Variants in MAST1 observed in about 807,000 individuals in gnomAD.
MAST1 encodes the protein microtubule associated serine/threonine kinase 1.
A neutral mutation model predicts 124.6 loss-of-function variants in MAST1; 40 were observed. The ratio of observed to expected loss-of-function variants is 0.32; its 90% CI spans 0.25 to 0.42. The LOEUF is 0.42. Ranked by LOEUF, MAST1 falls within the 10% of genes least tolerant of loss-of-function variation. The pLI is 1.00. For synonymous variants in MAST1, 938 were observed against 939.4 expected (o/e 1.00, Z 0.03); for missense variants, 1,558 against 2,181.9 (o/e 0.71, Z 5.70).
At chr19:12,867,400 A>G in intron 18 of MAST1, 74 bp from the exon 19 acceptor site, 3 of 1,561,358 alleles carry the variant, frequency 1.9e-6, no homozygotes, top group Admixed American at 1.7e-5. Flanking sequence ...CGGGGGATCC[A>G]CTGCCAGGAA....
intron 21 of MAST1, 63 bp from the exon 22 acceptor site, chr19:12,869,003 G>A: frequency 6.4e-7 from 1 of 1,565,906 alleles, no homozygotes; most frequent in Non-Finnish European, 8.8e-7. Context: ...GGAGGGAGGA[G>A]CAGATACAGG....
At position 12,847,208 on chromosome 19, in the gene MAST1, G is replaced by A. The variant is rs1969903999; in HGVS notation, c.328-82G>A. The A allele has an allele frequency of 5.7e-6, 5 of 872,490 alleles. No homozygotes were observed. Among genetic ancestry groups the A allele is most frequent in the East Asian group, 2.4e-5 (1 of 41,098 alleles). 54.0% of individuals were successfully genotyped at this position (872,490 alleles called of 1,614,324 possible). ...CCTGGCCTTGCCCAGTGACCCCATC[G>A]GCTTTGGGAGTCCCAGCTCAGGGTC... On this transcript the variant is annotated intron_variant, in intron 4 of 25. Coordinates refer to ENST00000251472, the MANE Select transcript of MAST1 (RefSeq NM_014975.3). The surrounding 1 kb of genome is among the most constrained non-coding windows in gnomAD (Gnocchi z 5.5).
In MAST1 at chr19:12,874,349, G is replaced by C. The variant is rs545212383; in HGVS notation, c.4192G>C (p.Asp1398His). 1 of 1,598,416 alleles carries C rather than the reference G, an allele frequency of 6.3e-7. No homozygotes were observed. Among genetic ancestry groups the C allele is most frequent in the African/African-American group, 1.3e-5 (1 of 74,952 alleles). ...CTRHQSVQTE[D>H]GTGGMARAVA... Reference sequence around the variant, plus strand: ...GCGGCATCAGAGCGTGCAGACGGAGGATGGCACTGGCGGGATGGCCAGGGC... The same window carrying C: ...GCGGCATCAGAGCGTGCAGACGGAGCATGGCACTGGCGGGATGGCCAGGGC... Residue 1398 changes from aspartate to histidine, a missense_variant, in exon 26 of 26, where the codon GAT (aspartate) becomes CAT (histidine). Physicochemically the swap from Asp to His is moderately conservative, Grantham distance 81 (BLOSUM62 -1). Around this residue, in one of 10 missense-constraint regions of MAST1, gnomAD observed 263 missense variants for 310.9 expected, o/e 0.85. Coordinates refer to ENST00000251472, the MANE Select transcript of MAST1 (RefSeq NM_014975.3). This position sits in a 1 kb window ranked among gnomAD's most constrained non-coding sequence, Gnocchi z 6.6.
intron 20 of MAST1, among the ~76,000 whole-genome samples, chr19:12,868,366 A>G (rs1188176404): frequency 1.3e-5 from 2 of 151,824 alleles, no homozygotes; most frequent in Non-Finnish European, 2.9e-5. Context: ...TCCTTGGCCT[A>G]CCAAAGTGCT....
At chr19:12,852,431 T>C in intron 10 of MAST1, 36 bp downstream of exon 10, 1 of 1,497,314 alleles carries the variant, frequency 6.7e-7, no homozygotes, top group Non-Finnish European at 9.3e-7. Flanking sequence ...GTACCCTGGT[T>C]CCTGGGAGGG....
In MAST1 at chr19:12,874,105, A is replaced by C. The variant is rs1435624357; in HGVS notation, c.3948A>C (p.Pro1316=). ...CCGAGTCCGACGGTGAGACGCCCCC[A>C]GTCGAGGGCCTTGGCGCGCCCCGGC... ...SLAESDGETP[P]VEGLGAPRQV... is the part of the protein sequence containing the mutation. Residue 1316 remains proline, a synonymous_variant, in exon 26 of 26, where the codon CCA becomes CCC. Transcript: ENST00000251472. The surrounding 1 kb of genome is among the most constrained non-coding windows in gnomAD (Gnocchi z 6.6). 6.4e-7 allele frequency: 1 copy of C among 1,555,864 alleles called. No individual in the cohort carries two copies. The highest frequency in any genetic ancestry group is 8.7e-7 in the Non-Finnish European group (1 of 1,153,022).
At chr19:12,857,691 C>T (rs1294844890) in intron 10 of MAST1, among the ~76,000 whole-genome samples, 1 of 152,162 alleles carries the variant, frequency 6.6e-6, no homozygotes, top group African/African-American at 2.4e-5. Context: ...TGATTACAGG[C>T]GTGAGCCACC....
intron 1 of MAST1, among the ~76,000 whole-genome samples, chr19:12,840,049 G>C (rs7251196): frequency 6.6e-6 from 1 of 151,976 alleles, no homozygotes. Context: ...TGTGTCACAC[G>C]TATCACACTA....
intron 4 of MAST1, among the ~76,000 whole-genome samples, chr19:12,844,158 C>T (rs1353880523): frequency 6.6e-6 from 1 of 152,190 alleles, no homozygotes; most frequent in Non-Finnish European, 1.5e-5. Flanking sequence ...ATTTCTGACT[C>T]ACTCATTTAC....
In MAST1 at chr19:12,866,743, G is replaced by A; in HGVS notation, c.2120G>A (p.Cys707Tyr). 1 of 1,613,624 alleles carries A rather than the reference G, an allele frequency of 6.2e-7. No individual in the cohort carries two copies. The highest frequency in any genetic ancestry group is 8.5e-7 in the Non-Finnish European group (1 of 1,179,808). Reference sequence around the variant, plus strand: ...GTGGAAATCCGCCAGTTCTCTTCCTGCTCTCCGCGCTTCAGCAAGGTGGGC... The same window carrying A: ...GTGGAAATCCGCCAGTTCTCTTCCTACTCTCCGCGCTTCAGCAAGGTGGGC... ...EPVEIRQFSS[C>Y]SPRFSKVYSS... Residue 707 changes from cysteine (C) to tyrosine (Y), a missense_variant, in exon 18 of 26, where the codon TGC becomes TAC. Physicochemically the swap from Cys to Tyr is radical, Grantham distance 194 (BLOSUM62 -2). This residue lies in a region of MAST1 where 287 missense variants were observed against 308.0 expected (regional missense o/e 0.93). Coordinates refer to ENST00000251472, the MANE Select transcript of MAST1 (RefSeq NM_014975.3). This position sits in a 1 kb window ranked among gnomAD's most constrained non-coding sequence, Gnocchi z 5.2.
In MAST1 at chr19:12,873,370, C is replaced by A; in HGVS notation, c.3310C>A (p.Leu1104Met). 1 of 1,614,078 alleles carries A rather than the reference C, an allele frequency of 6.2e-7. No homozygotes were observed. The highest frequency in any genetic ancestry group is 8.5e-7 in the Non-Finnish European group (1 of 1,179,986). Reference sequence around the variant, plus strand: ...CCGGAAGATCACGAAGCAGTCGAACCTGCTGCATACTAGCCGCTCGCTGTC... The same window carrying A: ...CCGGAAGATCACGAAGCAGTCGAACATGCTGCATACTAGCCGCTCGCTGTC... The part of the protein sequence containing the change: ...LFRKITKQSN[L>M]LHTSRSLSSL... The change falls in exon 25 of 26, where the codon CTG (leucine) becomes ATG (methionine). Residue 1104 changes from leucine to methionine, a missense_variant. Coordinates refer to ENST00000251472, the MANE Select transcript of MAST1 (RefSeq NM_014975.3).
At chr19:12,857,634 G>T (rs1032748510) in intron 10 of MAST1, among the ~76,000 whole-genome samples, 1 of 151,288 alleles carries the variant, frequency 6.6e-6, no homozygotes, top group Non-Finnish European at 1.5e-5. Context: ...GGATGGTCTC[G>T]ATCTCCTGAC....
At chr19:12,846,823 A>C (rs2145889421) in intron 4 of MAST1, among the ~76,000 whole-genome samples, 1 of 139,714 alleles carries the variant, frequency 7.2e-6, no homozygotes, top group South Asian at 2.4e-4. Flanking sequence ...GGTTGCAGTG[A>C]GCTGAGATCA....
intron 12 of MAST1, among the ~76,000 whole-genome samples, chr19:12,860,727 G>A (rs1042582835): frequency 2.0e-5 from 3 of 151,812 alleles, no homozygotes; most frequent in East Asian, 1.9e-4. Context: ...GATTACAGGC[G>A]TGAGCCATAG....
chr19:12,874,483 G>A lies in MAST1; in HGVS notation c.4326G>A (p.Arg1442=), dbSNP rs2145917475. ...TACCCATTGTCGTAGAGCCTGCGCG[G>A]CCCGGGGCTAAGGCTGTGGTGCCTC... is the stretch of plus-strand genomic sequence containing the variant. ...PLVPIVVEPA[R]PGAKAVVPQP... is the part of the protein sequence containing the mutation. Residue 1442 remains arginine (R), a synonymous_variant, in exon 26 of 26, where the codon CGG becomes CGA. Transcript: ENST00000251472. This position sits in a 1 kb window ranked among gnomAD's most constrained non-coding sequence, Gnocchi z 6.6. 3 of 1,570,688 alleles carry A rather than the reference G, an allele frequency of 1.9e-6. No homozygotes were observed. The highest frequency in any genetic ancestry group is 4.5e-5 in the East Asian group (2 of 44,236).
rs190185155 is a variant in MAST1 at position 12,844,544 on chromosome 19, G to A, written c.327+937G>A. 1.5e-4 allele frequency among the ~76,000 whole-genome samples: 23 copies of A among 152,256 alleles called. No individual in the cohort carries two copies. In the East Asian group the frequency reaches 4.4e-3, roughly 29 times the overall value. ...GGGAGAGGCATGTGACTCAGATTGGGGGGTTGTCAAGGAAGGCTTCCTGGA... is the reference window on the plus strand; with the variant it reads ...GGGAGAGGCATGTGACTCAGATTGGAGGGTTGTCAAGGAAGGCTTCCTGGA... On this transcript the variant is annotated intron_variant, in intron 4 of 25. Transcript: ENST00000251472.
At position 12,858,465 on chromosome 19, in the gene MAST1, G is replaced by A. The variant is rs1019052586; in HGVS notation, c.1157+24G>A. 1.1e-5 allele frequency: 17 copies of A among 1,612,576 alleles called. No homozygotes were observed. The African/African-American group carries it at 2.3e-4, about 22-fold the overall frequency. ...GGGTGAGCCACCCGGGGCTCTGGCG[G>A]GGGGAGGGTGGCGGAGGCCGGGTGT... On this transcript the variant is annotated intron_variant, in intron 11 of 25. Transcript: ENST00000251472.
Position 12,865,663 on chromosome 19 carries a change from G to C in MAST1, c.1805-54G>C. Reference sequence around the variant, plus strand: ...GCTGGGTGACACAGTGAGATCCTGTGTCCAAACAACAACAACAACAAAAAC... The same window carrying C: ...GCTGGGTGACACAGTGAGATCCTGTCTCCAAACAACAACAACAACAAAAAC... On this transcript the variant is annotated intron_variant, in intron 15 of 25. Coordinates refer to ENST00000251472, the MANE Select transcript of MAST1 (RefSeq NM_014975.3). The surrounding 1 kb of genome is among the most constrained non-coding windows in gnomAD (Gnocchi z 7.1). 6.7e-7 allele frequency: 1 copy of C among 1,499,178 alleles called. No homozygotes were observed. The highest frequency in any genetic ancestry group is 1.2e-5 in the South Asian group (1 of 82,210). 92.9% of individuals were successfully genotyped at this position (1,499,178 alleles called of 1,614,324 possible). A position where few individuals can be genotyped will look rare whatever the true frequency, so the allele number is the denominator to read the frequency against.
chr19:12,852,837 G>A (rs1032241674), intron 10 of MAST1, among the ~76,000 whole-genome samples: 4 of 145,134 alleles, frequency 2.8e-5, no homozygotes, highest in South Asian at 4.8e-4. Context: ...CAACAAGAGC[G>A]AAACTGTCTC....
Sources: gnomAD v4.1 joint callset for allele counts (sites outside exome capture counted in the v4.1 genomes callset) on GRCh38, gnomAD v4.1.1 for gene constraint, gnomAD v4.1.1 regional missense constraint, Gnocchi (gnomAD v3.1) non-coding constraint, MANE v1.5 for transcripts, NCBI Gene and HGNC (gene_info 2026-07-23, HGNC 2026-07-21) for gene names.